The following WEE1 variants were observed in gnomAD, a reference collection of about 807,000 sequenced individuals.
WEE1 encodes the protein WEE1 G2 checkpoint kinase, also known as wee1-like protein kinase.
WEE1 carries 16 observed loss-of-function variants against 68.8 expected under a neutral mutation model. The observed-to-expected ratio is 0.23, with a 90% CI of 0.16 to 0.35. The LOEUF is 0.35. Among genes scored for constraint, WEE1 ranks in the 10% least tolerant of loss-of-function variants. WEE1 has a pLI of 1.00. For missense variants in WEE1, 651 were observed against 824.1 expected, an observed-to-expected ratio of 0.79 and a Z score of 2.57; for synonymous variants, 349 against 318.7, an observed-to-expected ratio of 1.09 and a Z score of -1.01.
rs1849733955 is a variant in WEE1 at position 9,589,108 on chromosome 11, T to C, written c.*506T>C. On this transcript the variant is annotated 3_prime_UTR_variant, in exon 11 of 11. Coordinates refer to ENST00000450114, the MANE Select transcript of WEE1 (RefSeq NM_003390.4). ...CACTTTGTAGGCATTGCATGAACCA[T>C]GGGATGATGATTCTGTGGAGGTATT... The C allele has an allele frequency of 3.0e-6, 3 of 985,790 alleles. No individual in the cohort carries two copies. Among genetic ancestry groups the C allele is most frequent in the Non-Finnish European group, 3.6e-6 (3 of 829,912 alleles). 61.1% of individuals were successfully genotyped at this position (985,790 alleles called of 1,614,324 possible). A position where few individuals can be genotyped will look rare whatever the true frequency, so the allele number is the denominator to read the frequency against.
chr11:9,574,114 C>T lies in WEE1; in HGVS notation c.181C>T (p.Pro61Ser). 1 of 1,215,942 alleles carries T rather than the reference C, an allele frequency of 8.2e-7. No individual in the cohort carries two copies. 75.3% of individuals were successfully genotyped at this position (1,215,942 alleles called of 1,614,324 possible). A position where few individuals can be genotyped will look rare whatever the true frequency, so the allele number is the denominator to read the frequency against. Residue 61 changes from proline to serine, a missense_variant, in exon 1 of 11, where the codon CCG (proline) becomes TCG (serine). By Grantham distance (74) the Pro-to-Ser change is moderately conservative (BLOSUM62 -1). Coordinates refer to ENST00000450114, the MANE Select transcript of WEE1 (RefSeq NM_003390.4). This position sits in a 1 kb window ranked among gnomAD's most constrained non-coding sequence, Gnocchi z 4.9. Reference sequence around the variant, plus strand: ...CTCGGCCTTTCAAGAGCCCGACTCGCCGCTGCCGCCCGCGCGGAGCCCCAC... The same window carrying T: ...CTCGGCCTTTCAAGAGCCCGACTCGTCGCTGCCGCCCGCGCGGAGCCCCAC... ...EDSAFQEPDS[P>S]LPPARSPTEP...
At chr11:9,578,006 A>G in intron 5 of WEE1, 1 of 407,930 alleles carries the variant, frequency 2.5e-6, no homozygotes, top group Non-Finnish European at 4.8e-6. Flanking sequence ...TATATACCAA[A>G]TCTTTTATGG....
intron 5 of WEE1, chr11:9,579,423 C>G (rs949401647): frequency 6.6e-6 from 1 of 152,158 alleles, no homozygotes; most frequent in Non-Finnish European, 1.5e-5. Context: ...AACTGATTCC[C>G]TTTATTGTGA....
In WEE1 at chr11:9,574,308, C is replaced by G. The variant is rs1849539199; in HGVS notation, c.375C>G (p.Val125=). 2 of 1,268,986 alleles carry G rather than the reference C, an allele frequency of 1.6e-6. No homozygotes were observed. Among genetic ancestry groups the G allele is most frequent in the Non-Finnish European group, 2.0e-6 (2 of 1,006,146 alleles). The allele number at this position is 1,268,986 out of a possible 1,614,324, so 78.6% of individuals were successfully genotyped here. Reference sequence around the variant, plus strand: ...AGGGCTTCGGCTCCTCGTCGCCGGTCAAGTCGCCGGCGGCCCCCTACTTCC... The same window carrying G: ...AGGGCTTCGGCTCCTCGTCGCCGGTGAAGTCGCCGGCGGCCCCCTACTTCC... The part of the protein sequence containing the change: ...EEEGFGSSSP[V]KSPAAPYFLG... Residue 125 remains valine, a synonymous_variant, in exon 1 of 11, where the codon GTC becomes GTG. Transcript: ENST00000450114. This position sits in a 1 kb window ranked among gnomAD's most constrained non-coding sequence, Gnocchi z 4.9.
rs761717168 is a variant in WEE1, at chr11:9,586,836, C to A, written c.1767C>A (p.Phe589Leu). ...GAATAGAATTGAATGCCGAAAAGTT[C>A]AAAAATTCACTTTTACAAAAGTAAG... ...QLRIELNAEKFKNSLLQKELK... is the reference protein window; with the variant it reads ...QLRIELNAEKLKNSLLQKELK... Residue 589 changes from phenylalanine (F) to leucine (L), a missense_variant, in exon 10 of 11, where the codon TTC (phenylalanine) becomes TTA (leucine). Phe to Leu is a conservative substitution (Grantham distance 22, BLOSUM62 0). Transcript: ENST00000450114. The A allele has an allele frequency of 4.9e-5, 78 of 1,604,816 alleles. No homozygotes were observed. The highest frequency in any genetic ancestry group is 6.5e-5 in the Non-Finnish European group (77 of 1,177,694).
At position 9,589,257 on chromosome 11, in the gene WEE1, G is replaced by A. The variant is rs1293002282; in HGVS notation, c.*655G>A. 1.7e-5 allele frequency: 17 copies of A among 981,960 alleles called. No homozygotes were observed. The highest frequency in any genetic ancestry group is 1.8e-5 in the Non-Finnish European group (15 of 827,988). The allele number at this position is 981,960 out of a possible 1,614,324, so 60.8% of individuals were successfully genotyped here. On this transcript the variant is annotated 3_prime_UTR_variant, in exon 11 of 11. Coordinates refer to ENST00000450114, the MANE Select transcript of WEE1 (RefSeq NM_003390.4). The stretch of plus-strand genomic sequence containing the variant: ...TGTGAAATGTATAGCTGCTTTTGAT[G>A]AAAAGCAGCTATTTGCCTTTTTTTT...
In WEE1 at chr11:9,586,748, C is replaced by T; in HGVS notation, c.1679C>T (p.Ala560Val). Residue 560 changes from alanine to valine, a missense_variant, in exon 10 of 11, where the codon GCA becomes GTA. Physicochemically the swap from Ala to Val is moderately conservative, Grantham distance 64. Coordinates refer to ENST00000450114, the MANE Select transcript of WEE1 (RefSeq NM_003390.4). ...CCAGATCCAGAGAGAAGACCTTCAGCAATGGCACTGGTAAAGCATTCAGTA... is the reference window on the plus strand; with the variant it reads ...CCAGATCCAGAGAGAAGACCTTCAGTAATGGCACTGGTAAAGCATTCAGTA... Reference protein sequence around the residue: ...IHPDPERRPSAMALVKHSVLL... With the variant: ...IHPDPERRPSVMALVKHSVLL... 6.2e-7 allele frequency: 1 copy of T among 1,614,078 alleles called. No homozygotes were observed. Among genetic ancestry groups the T allele is most frequent in the Non-Finnish European group, 8.5e-7 (1 of 1,180,000 alleles).
At position 9,581,234 on chromosome 11, in the gene WEE1, AAAAC is replaced by A. The variant is rs147628435; in HGVS notation, c.1142-290_1142-287del. 1,570 of 256,214 alleles carry A rather than the reference AAAAC, an allele frequency of 6.1e-3. 6 individuals carry two copies. Among genetic ancestry groups the A allele is most frequent in the Non-Finnish European group, 8.7e-3 (1,192 of 136,884 alleles). 15.9% of individuals were successfully genotyped at this position (256,214 alleles called of 1,614,324 possible). A position where few individuals can be genotyped will look rare whatever the true frequency, so the allele number is the denominator to read the frequency against. On this transcript the variant is annotated intron_variant, in intron 5 of 10. Coordinates refer to ENST00000450114, the MANE Select transcript of WEE1 (RefSeq NM_003390.4). ...CCCTGTCTCTTATAAATTAAAAACAAAAACAAACAAAAAAAAAGCCAACCTGATA... is the reference window on the plus strand; with the variant it reads ...CCCTGTCTCTTATAAATTAAAAACAAAAACAAAAAAAAAGCCAACCTGATA...
At position 9,586,790 on chromosome 11, in the gene WEE1, G is replaced by T. The variant is rs1442884083; in HGVS notation, c.1721G>T (p.Arg574Ile). The T allele has an allele frequency of 1.2e-6, 2 of 1,613,952 alleles. No homozygotes were observed. The highest frequency in any genetic ancestry group is 1.7e-6 in the Non-Finnish European group (2 of 1,180,008). Residue 574 changes from arginine (R) to isoleucine (I), a missense_variant, in exon 10 of 11, where the codon AGA becomes ATA. By Grantham distance (97) the Arg-to-Ile change is moderately conservative. This residue lies in a region of WEE1 where 115 missense variants were observed against 142.7 expected (regional missense o/e 0.81). Coordinates refer to ENST00000450114, the MANE Select transcript of WEE1 (RefSeq NM_003390.4). Reference sequence around the variant, plus strand: ...CATTCAGTATTGCTGTCCGCTTCTAGAAAGAGTGCAGAACAATTACGAATA... The same window carrying T: ...CATTCAGTATTGCTGTCCGCTTCTATAAAGAGTGCAGAACAATTACGAATA... ...VKHSVLLSAS[R>I]KSAEQLRIEL...
At position 9,589,253 on chromosome 11, in the gene WEE1, TGATGAA is replaced by T; in HGVS notation, c.*652_*657del. On this transcript the variant is annotated 3_prime_UTR_variant, in exon 11 of 11. Transcript: ENST00000450114. ...ATTATGTGAAATGTATAGCTGCTTT[TGATGAA>T]AAGCAGCTATTTGCCTTTTTTTTTT... The T allele has an allele frequency of 1.0e-6, 1 of 985,250 alleles. No individual in the cohort carries two copies. Among genetic ancestry groups the T allele is most frequent in the Non-Finnish European group, 1.2e-6 (1 of 829,650 alleles). The allele number at this position is 985,250 out of a possible 1,614,324, so 61.0% of individuals were successfully genotyped here.
At chr11:9,575,457 C>T in intron 1 of WEE1, 1 of 1,003,896 alleles carries the variant, frequency 1.0e-6, no homozygotes, top group Non-Finnish European at 1.2e-6. Flanking sequence ...GTTTATTGGC[C>T]GACTTGCTCA....
rs1849539080 is a variant in WEE1, at chr11:9,574,296, C to T, written c.363C>T (p.Ser121=). 2 of 1,261,488 alleles carry T rather than the reference C, an allele frequency of 1.6e-6. No individual in the cohort carries two copies. Among genetic ancestry groups the T allele is most frequent in the South Asian group, 3.1e-5 (1 of 32,138 alleles). The allele number at this position is 1,261,488 out of a possible 1,614,324, so 78.1% of individuals were successfully genotyped here. Residue 121 remains serine (S), a synonymous_variant, in exon 1 of 11, where the codon TCC becomes TCT. Coordinates refer to ENST00000450114, the MANE Select transcript of WEE1 (RefSeq NM_003390.4). This position sits in a 1 kb window ranked among gnomAD's most constrained non-coding sequence, Gnocchi z 4.9. The part of the protein sequence containing the change: ...GDSWEEEGFG[S]SSPVKSPAAP... ...CGTGGGAGGAGGAGGGCTTCGGCTC[C>T]TCGTCGCCGGTCAAGTCGCCGGCGG...
At chr11:9,575,130 G>T (rs993841248) in intron 1 of WEE1, 9 of 985,412 alleles carry the variant, frequency 9.1e-6, no homozygotes, top group African/African-American at 5.2e-5. Context: ...CAAGGTCTTG[G>T]CCCAGCATTT....
intron 10 of WEE1, among the ~76,000 whole-genome samples, 195 bp from the exon 11 acceptor site, chr11:9,588,254 T>G (rs1849724683): frequency 6.6e-6 from 1 of 152,222 alleles, no homozygotes; most frequent in East Asian, 1.9e-4. Flanking sequence ...GATACTGTAA[T>G]TCAAAAAGCA....
rs1381826397 is a variant in WEE1, at chr11:9,581,549, G to A, written c.1159G>A (p.Ala387Thr). 1.3e-6 allele frequency: 2 copies of A among 1,599,510 alleles called. No homozygotes were observed. The highest frequency in any genetic ancestry group is 1.1e-5 in the South Asian group (1 of 88,566). ...TTTGTTAGGTGGAAGTTTAGCTGATGCTATAAGTGAAAACTACAGAATCAT... is the reference window on the plus strand; with the variant it reads ...TTTGTTAGGTGGAAGTTTAGCTGATACTATAAGTGAAAACTACAGAATCAT... ...EYCNGGSLAD[A>T]ISENYRIMSY... Residue 387 changes from alanine (A) to threonine (T), a missense_variant, in exon 6 of 11, where the codon GCT becomes ACT. Ala to Thr is a moderately conservative substitution (Grantham distance 58). Transcript: ENST00000450114.
In WEE1 at chr11:9,589,038, C is replaced by CTT. The variant is rs139009920; in HGVS notation, c.*445_*446dup. Reference sequence around the variant, plus strand: ...GTACCTGTGTGTCCATCTTATATTTCTTTTTTTTTTAATTGTGAATTAGAC... The same window carrying CTT: ...GTACCTGTGTGTCCATCTTATATTTCTTTTTTTTTTTTAATTGTGAATTAGAC... On this transcript the variant is annotated 3_prime_UTR_variant, in exon 11 of 11. Coordinates refer to ENST00000450114, the MANE Select transcript of WEE1 (RefSeq NM_003390.4). 0.23 allele frequency: 219,837 copies of CTT among 942,664 alleles called. 12,354 individuals are homozygous for CTT. Among genetic ancestry groups the CTT allele is most frequent in the Non-Finnish European group, 0.25 (200,487 of 792,346 alleles). 58.4% of individuals were successfully genotyped at this position (942,664 alleles called of 1,614,324 possible). A position where few individuals can be genotyped will look rare whatever the true frequency, so the allele number is the denominator to read the frequency against.
chr11:9,580,458 C>CTTTTTTTTTTTTTT (rs374484716), intron 5 of WEE1: 1 of 126,922 alleles, frequency 7.9e-6, no homozygotes, highest in African/African-American at 2.8e-5. Flanking sequence ...TTCTTTCTTT[C>CTTTTTTTTTTTTTT]TTTCTTTTTT....
intron 1 of WEE1, chr11:9,575,231 A>G: frequency 1.0e-6 from 1 of 985,534 alleles, no homozygotes; most frequent in Non-Finnish European, 1.2e-6. Context: ...TTAAAGAAGG[A>G]GGTGTTCAGC....
rs753486699 is a variant in WEE1, at chr11:9,576,624, G to A, written c.984G>A (p.Lys328=). The change falls in exon 4 of 11, where the codon AAG becomes AAA. Residue 328 remains lysine, a synonymous_variant. Coordinates refer to ENST00000450114, the MANE Select transcript of WEE1 (RefSeq NM_003390.4). This position sits in a 1 kb window ranked among gnomAD's most constrained non-coding sequence, Gnocchi z 4.3. ...TGGATGGATGCATTTATGCCATTAA[G>A]CGATCAAAAAAGCCATTGGCGGGCT... ...KRLDGCIYAI[K]RSKKPLAGSV... is the part of the protein sequence containing the mutation. 1 of 1,613,152 alleles carries A rather than the reference G, an allele frequency of 6.2e-7. No homozygotes were observed. Among genetic ancestry groups the A allele is most frequent in the Non-Finnish European group, 8.5e-7 (1 of 1,179,688 alleles).
Sources: allele counts gnomAD v4.1 joint callset (sites outside exome capture counted in the v4.1 genomes callset), GRCh38; gene constraint gnomAD v4.1.1; regional missense constraint gnomAD v4.1.1; non-coding constraint Gnocchi (gnomAD v3.1); transcripts MANE v1.5; gene names NCBI Gene and HGNC (gene_info 2026-07-23, HGNC 2026-07-21).